The following PRSS21 variants were observed in gnomAD, a reference collection of about 807,000 sequenced individuals.
PRSS21 encodes serine protease 21.
In PRSS21, 40 loss-of-function variants were observed where a neutral mutation model predicts 31.1. The observed-to-expected ratio is 1.29, with a 90% CI of 1.00 to 1.68. PRSS21 has a LOEUF of 1.68. Among genes scored for constraint, PRSS21 ranks in the 40% most tolerant of loss-of-function variants. The pLI, the probability that PRSS21 is intolerant of heterozygous loss-of-function variation, is 0.00. For missense variants in PRSS21, 467 were observed against 412.6 expected (o/e 1.13, Z -1.14); for synonymous variants, 186 against 167.7 (o/e 1.11, Z -0.84).
At position 2,817,553 on chromosome 16, in the gene PRSS21, G is replaced by C; in HGVS notation, c.91+97G>C. On this transcript the variant is annotated intron_variant, in intron 2 of 5. Transcript: ENST00000005995. This position sits in a 1 kb window ranked among gnomAD's most constrained non-coding sequence, Gnocchi z 4.2. ...AGAGGGGGGCCTTTACTGCTCTCTC[G>C]CCCCCGCCCCCGGGATCGAGAACTC... 2 of 1,420,940 alleles carry C rather than the reference G, an allele frequency of 1.4e-6. No individual in the cohort carries two copies. The highest frequency in any genetic ancestry group is 1.9e-6 in the Non-Finnish European group (2 of 1,071,332). The allele number at this position is 1,420,940 out of a possible 1,614,324, so 88.0% of individuals were successfully genotyped here.
At chr16:2,818,580 C>G (rs2069118134) in intron 3 of PRSS21, 97 bp from the exon 4 acceptor site, 1 of 1,264,330 alleles carries the variant, frequency 7.9e-7, no homozygotes. Flanking sequence ...CAAGTAGCAG[C>G]AACACCACAG....
chr16:2,818,662 C>T lies in PRSS21; in HGVS notation c.258-15C>T, dbSNP rs746243976. On this transcript the variant is annotated splice_polypyrimidine_tract_variant and intron_variant, in intron 3 of 5. Coordinates refer to ENST00000005995, the MANE Select transcript of PRSS21 (RefSeq NM_006799.4). ...TCCATCCAGGGCCCCTGACTGCTCT[C>T]TTCTCTTCTGCCAGCTATAGTGACC... 3.1e-6 allele frequency: 5 copies of T among 1,612,012 alleles called. No individual in the cohort carries two copies. Among genetic ancestry groups the T allele is most frequent in the Non-Finnish European group, 3.4e-6 (4 of 1,178,480 alleles).
rs1313134226 is a variant in PRSS21 at position 2,821,561 on chromosome 16, T to C, written c.901T>C (p.Phe301Leu). 2 of 1,613,726 alleles carry C rather than the reference T, an allele frequency of 1.2e-6. No individual in the cohort carries two copies. Among genetic ancestry groups the C allele is most frequent in the Non-Finnish European group, 8.5e-7 (1 of 1,179,728 alleles). The change falls in exon 6 of 6, where the codon TTT (phenylalanine) becomes CTT (leucine). Residue 301 changes from phenylalanine (F) to leucine (L), a missense_variant. By Grantham distance (22) the Phe-to-Leu change is conservative (BLOSUM62 0). Transcript: ENST00000005995. ...SQPDPSWPLL[F>L]FPLLWALPLL... ...GCCAGACCCCTCCTGGCCGCTACTC[T>C]TTTTCCCTCTTCTCTGGGCTCTCCC...
rs926983260 is a variant in PRSS21, at chr16:2,821,620, A to G, written c.*15A>G. 1 of 1,605,752 alleles carries G rather than the reference A, an allele frequency of 6.2e-7. No homozygotes were observed. The highest frequency in any genetic ancestry group is 1.7e-5 in the Admixed American group (1 of 59,912). ...GGCCGGTCTGAGCCTACCTGAGCCC[A>G]TGCAGCCTGGGGCCACTGCCAAGTC... On this transcript the variant is annotated 3_prime_UTR_variant, in exon 6 of 6. Transcript: ENST00000005995.
At chr16:2,820,342 G>A (rs1033747430) in intron 4 of PRSS21, among the ~76,000 whole-genome samples, 22 of 152,336 alleles carry the variant, frequency 1.4e-4, no homozygotes, top group African/African-American at 5.1e-4. Flanking sequence ...TCCTCTGCAG[G>A]ACAAGGTGCT....
rs1240825657 is a variant in PRSS21, at chr16:2,821,495, G to T, written c.835G>T (p.Glu279Ter). ...GVYTNISHHFEWIQKLMAQSG... is the reference protein window; with the variant it reads ...GVYTNISHHF ...CTACACCAATATCAGCCACCACTTT[G>T]AGTGGATCCAGAAGCTGATGGCCCA... Residue 279 changes from glutamate (E) to a stop codon, truncating the protein, a stop_gained, in exon 6 of 6, where the codon GAG (glutamate) becomes TAG (stop). Coordinates refer to ENST00000005995, the MANE Select transcript of PRSS21 (RefSeq NM_006799.4). LOFTEE classifies it low-confidence loss of function (END_TRUNC). The T allele has an allele frequency of 1.2e-6, 2 of 1,614,234 alleles. No individual in the cohort carries two copies. The highest frequency in any genetic ancestry group is 1.1e-5 in the South Asian group (1 of 91,084).
chr16:2,817,847 G>A lies in PRSS21; in HGVS notation c.138G>A (p.Glu46=). The A allele has an allele frequency of 1.3e-6, 2 of 1,550,944 alleles. No individual in the cohort carries two copies. The highest frequency in any genetic ancestry group is 1.7e-6 in the Non-Finnish European group (2 of 1,147,394). ...RVITSRIVGG[E]DAELGRWPWQ... ...TCACGTCGCGCATCGTGGGTGGAGA[G>A]GACGCCGAACTCGGGCGTTGGCCGT... is the stretch of plus-strand genomic sequence containing the variant. Residue 46 remains glutamate (E), a synonymous_variant, in exon 3 of 6, where the codon GAG becomes GAA. Transcript: ENST00000005995. This position sits in a 1 kb window ranked among gnomAD's most constrained non-coding sequence, Gnocchi z 4.2.
chr16:2,821,406 T>C lies in PRSS21; in HGVS notation c.746T>C (p.Leu249Pro), dbSNP rs375408768. 1.3e-5 allele frequency: 21 copies of C among 1,614,092 alleles called. No homozygotes were observed. The Admixed American group carries it at 3.3e-4, about 26-fold the overall frequency. ...CCCTTGGCCTGTAACAAGAATGGACTGTGGTATCAGATTGGAGTCGTGAGC... is the reference window on the plus strand; with the variant it reads ...CCCTTGGCCTGTAACAAGAATGGACCGTGGTATCAGATTGGAGTCGTGAGC... ...GGPLACNKNG[L>P]WYQIGVVSWG... The change falls in exon 6 of 6, where the codon CTG becomes CCG. Residue 249 changes from leucine (L) to proline (P), a missense_variant. By Grantham distance (98) the Leu-to-Pro change is moderately conservative. Transcript: ENST00000005995.
chr16:2,817,519 T>TGGG lies in PRSS21; in HGVS notation c.91+64_91+65insGGG. ...TTGGGCCGAGGTGGACGGGGGGCGGTGAGGGGGTAGAGGGGGGCCTTTACT... is the reference window on the plus strand; with the variant it reads ...TTGGGCCGAGGTGGACGGGGGGCGGTGGGGAGGGGGTAGAGGGGGGCCTTTACT... On this transcript the variant is annotated intron_variant, in intron 2 of 5. Transcript: ENST00000005995. The surrounding 1 kb of genome is among the most constrained non-coding windows in gnomAD (Gnocchi z 4.2). 1.3e-6 allele frequency: 1 copy of TGGG among 742,578 alleles called. No homozygotes were observed. Among genetic ancestry groups the TGGG allele is most frequent in the Non-Finnish European group, 1.8e-6 (1 of 545,222 alleles). 46.0% of individuals were successfully genotyped at this position (742,578 alleles called of 1,614,324 possible). A position where few individuals can be genotyped will look rare whatever the true frequency, so the allele number is the denominator to read the frequency against.
rs544776420 is a variant in PRSS21, at chr16:2,820,993, G to A, written c.589G>A (p.Ala197Thr). The change falls in exon 5 of 6, where the codon GCC becomes ACC. Residue 197 changes from alanine (A) to threonine (T), a missense_variant. Ala to Thr is a moderately conservative substitution (Grantham distance 58). Coordinates refer to ENST00000005995, the MANE Select transcript of PRSS21 (RefSeq NM_006799.4). ...CCACACCCTCCAGGAAGTTCAGGTC[G>A]CCATCATAAACAACTCTATGTGCAA... is the stretch of plus-strand genomic sequence containing the variant. ...SPHTLQEVQVAIINNSMCNHL... is the reference protein window; with the variant it reads ...SPHTLQEVQVTIINNSMCNHL... 21 of 1,613,816 alleles carry A rather than the reference G, an allele frequency of 1.3e-5. No individual in the cohort carries two copies. Among genetic ancestry groups the A allele is most frequent in the Middle Eastern group, 1.6e-4 (1 of 6,084 alleles).
chr16:2,819,114 C>T (rs1319269222), intron 4 of PRSS21, 145 bp downstream of exon 4: 2 of 937,430 alleles, frequency 2.1e-6, no homozygotes, highest in Non-Finnish European at 3.2e-6. Context: ...AGGGCAGGGA[C>T]CAAACACCCA....
intron 4 of PRSS21, among the ~76,000 whole-genome samples, chr16:2,820,331 A>G (rs548245247): frequency 2.0e-5 from 3 of 152,276 alleles, no homozygotes; most frequent in Non-Finnish European, 4.4e-5. Flanking sequence ...GTCTTTTGTC[A>G]TCCTCTGCAG....
chr16:2,817,977 G>T lies in PRSS21; in HGVS notation c.257+11G>T. ...GCACTGCTTTGAAACGTGAGTGGGG[G>T]TGCGAACGGAGGGGTGCGGGGACGG... On this transcript the variant is annotated intron_variant, in intron 3 of 5. Transcript: ENST00000005995. This position sits in a 1 kb window ranked among gnomAD's most constrained non-coding sequence, Gnocchi z 4.2. 1.3e-6 allele frequency: 2 copies of T among 1,545,616 alleles called. No homozygotes were observed. Among genetic ancestry groups the T allele is most frequent in the East Asian group, 2.4e-5 (1 of 40,820 alleles).
At chr16:2,821,210 C>A in intron 5 of PRSS21, 101 bp downstream of exon 5, 1 of 1,547,036 alleles carries the variant, frequency 6.5e-7, no homozygotes, top group Non-Finnish European at 8.8e-7. Flanking sequence ...ACTGTTGCCC[C>A]ACTCTGCAGA....
At chr16:2,820,556 C>T (rs570862793) in intron 4 of PRSS21, among the ~76,000 whole-genome samples, 1 of 152,252 alleles carries the variant, frequency 6.6e-6, no homozygotes, top group East Asian at 1.9e-4. Context: ...CTGGAAAGCG[C>T]CCAGCTGCTA....
rs752561310 is a variant in PRSS21, at chr16:2,818,784, C to T, written c.365C>T (p.Ser122Leu). ...GCCTACTACACCCGTTACTTCGTAT[C>T]GAATATCTATCTGAGCCCTCGCTAC... ...LQAYYTRYFV[S>L]NIYLSPRYLG... is the part of the protein sequence containing the mutation. The change falls in exon 4 of 6, where the codon TCG becomes TTG. Residue 122 changes from serine to leucine, a missense_variant. Transcript: ENST00000005995. The T allele has an allele frequency of 2.2e-5, 35 of 1,613,462 alleles. 1 individual carries two copies. The South Asian group carries it at 2.4e-4, about 11-fold the overall frequency.
rs778616544 is a variant in PRSS21 at position 2,817,367 on chromosome 16, C to T, written c.64+35C>T. 12 of 908,732 alleles carry T rather than the reference C, an allele frequency of 1.3e-5. No homozygotes were observed. Among genetic ancestry groups the T allele is most frequent in the Non-Finnish European group, 1.4e-5 (8 of 558,268 alleles). The allele number at this position is 908,732 out of a possible 1,614,324, so 56.3% of individuals were successfully genotyped here. ...GGGCGCTGCTGGCGGGATGGGGAGG[C>T]GGGGGAGCGGTGGGGAGGACGGGAG... On this transcript the variant is annotated intron_variant, in intron 1 of 5. Coordinates refer to ENST00000005995, the MANE Select transcript of PRSS21 (RefSeq NM_006799.4). This position sits in a 1 kb window ranked among gnomAD's most constrained non-coding sequence, Gnocchi z 4.2.
chr16:2,820,657 C>T (rs1005631667), intron 4 of PRSS21, among the ~76,000 whole-genome samples: 6 of 152,214 alleles, frequency 3.9e-5, no homozygotes, highest in African/African-American at 1.2e-4. Context: ...TCGCCCCTCC[C>T]TCGGCTCCTT....
rs143931928 is a variant in PRSS21, at chr16:2,821,509, G to C, written c.849G>C (p.Lys283Asn). 1.4e-4 allele frequency: 231 copies of C among 1,614,108 alleles called. No homozygotes were observed. Among genetic ancestry groups the C allele is most frequent in the Non-Finnish European group, 1.9e-4 (223 of 1,180,044 alleles). The part of the protein sequence containing the change: ...NISHHFEWIQ[K>N]LMAQSGMSQP... ...GCCACCACTTTGAGTGGATCCAGAAGCTGATGGCCCAGAGTGGCATGTCCC... is the reference window on the plus strand; with the variant it reads ...GCCACCACTTTGAGTGGATCCAGAACCTGATGGCCCAGAGTGGCATGTCCC... Residue 283 changes from lysine (K) to asparagine (N), a missense_variant, in exon 6 of 6, where the codon AAG (lysine) becomes AAC (asparagine). Physicochemically the swap from Lys to Asn is moderately conservative, Grantham distance 94. Coordinates refer to ENST00000005995, the MANE Select transcript of PRSS21 (RefSeq NM_006799.4).
Sources: gnomAD v4.1 joint callset for allele counts (sites outside exome capture counted in the v4.1 genomes callset) on GRCh38, gnomAD v4.1.1 for gene constraint, Gnocchi (gnomAD v3.1) non-coding constraint, MANE v1.5 for transcripts, NCBI Gene and HGNC (gene_info 2026-07-23, HGNC 2026-07-21) for gene names.